VPS53: variants seen among roughly 807,000 people sequenced by gnomAD.
The protein encoded by VPS53 is vacuolar protein sorting-associated protein 53 homolog.
Under a neutral mutation model 107.0 loss-of-function variants are expected in VPS53, and 70 were observed. That is an observed-to-expected ratio of 0.65 (90% confidence interval 0.54 to 0.80). The LOEUF is 0.80. Among genes scored for constraint, VPS53 ranks in the 30% least tolerant of loss-of-function variants. The pLI is 0.00. For missense variants in VPS53, 917 were observed against 1,049.4 expected (o/e 0.87, Z 1.74); for synonymous variants, 409 against 393.3 (o/e 1.04, Z -0.47).
chr17:537,194 T>G lies in VPS53; in HGVS notation c.1867-18A>C, dbSNP rs1425995525. ...CACTGCATCTGAAAGGGAGAAAGGA[T>G]GAGGCGTTGAATCCCTCGCAGGAGA... is the stretch of plus-strand genomic sequence containing the variant. On this transcript the variant is annotated intron_variant, in intron 17 of 21. Transcript: ENST00000437048. The G allele has an allele frequency of 2.5e-6, 4 of 1,613,532 alleles. No homozygotes were observed. In the East Asian group the frequency reaches 8.9e-5, roughly 36 times the overall value.
intron 11 of VPS53, among the ~76,000 whole-genome samples, chr17:620,083 A>G (rs892240280): frequency 1.3e-5 from 2 of 152,212 alleles, no homozygotes; most frequent in Admixed American, 6.5e-5. Flanking sequence ...TCAATATTGA[A>G]CATTAGTTAG....
chr17:696,539 G>A (rs1597498904), intron 4 of VPS53, among the ~76,000 whole-genome samples: 1 of 152,082 alleles, frequency 6.6e-6, no homozygotes, highest in Non-Finnish European at 1.5e-5. Flanking sequence ...AAGAGAGGAC[G>A]GCTAGAAAGG....
At chr17:639,232 G>A (rs539643380) in intron 7 of VPS53, among the ~76,000 whole-genome samples, 2 of 152,112 alleles carry the variant, frequency 1.3e-5, no homozygotes, top group East Asian at 1.9e-4. Flanking sequence ...TTGTGCGCTC[G>A]TCAGGTAGTT....
chr17:532,377 T>A (rs537691137), intron 19 of VPS53: 1 of 154,710 alleles, frequency 6.5e-6, no homozygotes, highest in Non-Finnish European at 1.4e-5. Context: ...CGGGTTCAAG[T>A]GATTCTCCTG....
At chr17:673,757 A>G (rs2143726200) in intron 4 of VPS53, 1 of 152,382 alleles carries the variant, frequency 6.6e-6, no homozygotes, top group African/African-American at 2.4e-5. Flanking sequence ...ACCAAAAACC[A>G]AAGGACTGTA....
Position 711,735 on chromosome 17 carries a change from A to G in VPS53, c.88-1122T>C, listed in dbSNP as rs142595452. On this transcript the variant is annotated intron_variant, in intron 1 of 21. Transcript: ENST00000437048. ...CTCCTAACAAAAGCCAGCTGAAAAA[A>G]GAATGACTGGTTCCAATGATGGAGG... is the stretch of plus-strand genomic sequence containing the variant. 1.1e-4 allele frequency among the ~76,000 whole-genome samples: 17 copies of G among 152,324 alleles called. No homozygotes were observed. The East Asian group carries it at 3.1e-3, about 28-fold the overall frequency.
rs59345629 is a variant in VPS53, at chr17:529,869, C to CAAA, written c.2085+2970_2085+2972dup. On this transcript the variant is annotated intron_variant, in intron 19 of 21. Coordinates refer to ENST00000437048, the MANE Select transcript of VPS53 (RefSeq NM_001128159.3). The stretch of plus-strand genomic sequence containing the variant: ...ACAGGGAGGCAGACCCTATATCTAC[C>CAAA]AAAAAAAAAAAAAAAGAGCCAGCCA... Among the ~76,000 whole-genome samples, 425 of 122,280 alleles carry CAAA rather than the reference C, an allele frequency of 3.5e-3. 3 individuals carry two copies. The highest frequency in any genetic ancestry group is 0.011 in the African/African-American group (408 of 35,864). 80.2% of individuals were successfully genotyped at this position (122,280 alleles called of 152,430 possible).
chr17:692,456 C>A (rs1387011178), intron 4 of VPS53, among the ~76,000 whole-genome samples: 1 of 152,110 alleles, frequency 6.6e-6, no homozygotes, highest in Admixed American at 6.5e-5. Context: ...TTCAAGCTGG[C>A]CCACATAGAA....
chr17:511,526 T>G lies in VPS53; in HGVS notation c.*7602A>C, dbSNP rs1421260927. On this transcript the variant is annotated 3_prime_UTR_variant, in exon 22 of 22. Coordinates refer to ENST00000437048, the MANE Select transcript of VPS53 (RefSeq NM_001128159.3). Reference sequence around the variant, plus strand: ...GCTATTTTTATTTTAACATCTCATATTGCCCCAGGTTCTCTGAGTCAACAC... The same window carrying G: ...GCTATTTTTATTTTAACATCTCATAGTGCCCCAGGTTCTCTGAGTCAACAC... 2 of 152,162 alleles carry G rather than the reference T, an allele frequency of 1.3e-5. No individual in the cohort carries two copies. Among genetic ancestry groups the G allele is most frequent in the African/African-American group, 4.8e-5 (2 of 41,436 alleles). 9.4% of individuals were successfully genotyped at this position (152,162 alleles called of 1,614,324 possible).
At chr17:688,244 G>A (rs768560371) in intron 4 of VPS53, among the ~76,000 whole-genome samples, 3 of 152,076 alleles carry the variant, frequency 2.0e-5, no homozygotes, top group African/African-American at 2.4e-5. Context: ...TTCTATTCAC[G>A]TGATAGTAAG....
At chr17:704,725 G>C (rs1295651902) in intron 2 of VPS53, among the ~76,000 whole-genome samples, 1 of 152,130 alleles carries the variant, frequency 6.6e-6, no homozygotes, top group East Asian at 1.9e-4. Context: ...ACACAGAACT[G>C]AATCTGTGGA....
chr17:633,914 G>A (rs1057082810), intron 7 of VPS53, among the ~76,000 whole-genome samples: 5 of 152,206 alleles, frequency 3.3e-5, no homozygotes, highest in African/African-American at 1.2e-4. Flanking sequence ...AGCTTCCAGA[G>A]GCTCAGGCCC....
At chr17:656,110 C>T (rs1340503119) in intron 5 of VPS53, among the ~76,000 whole-genome samples, 157 bp from the exon 6 acceptor site, 1 of 152,196 alleles carries the variant, frequency 6.6e-6, no homozygotes, top group African/African-American at 2.4e-5. Flanking sequence ...TAATTTCCAA[C>T]CAGGCATTTA....
chr17:638,386 C>A (rs1490633493), intron 7 of VPS53, among the ~76,000 whole-genome samples: 1 of 152,156 alleles, frequency 6.6e-6, no homozygotes, highest in Non-Finnish European at 1.5e-5. Flanking sequence ...CAGTCTGTGT[C>A]TTTTAATTGG....
chr17:607,593 A>T (rs935685348), intron 11 of VPS53, among the ~76,000 whole-genome samples: 14 of 152,224 alleles, frequency 9.2e-5, no homozygotes, highest in African/African-American at 2.9e-4. Context: ...CAGGCCACAG[A>T]GAATTACAAC....
intron 13 of VPS53, among the ~76,000 whole-genome samples, chr17:566,530 G>A (rs1215317665): frequency 6.6e-6 from 1 of 152,150 alleles, no homozygotes; most frequent in African/African-American, 2.4e-5. Context: ...ATACTTACCT[G>A]ATCAACCTCC....
In VPS53 at chr17:562,689, G is replaced by A; in HGVS notation, c.1370C>T (p.Pro457Leu). 2.5e-6 allele frequency: 4 copies of A among 1,613,734 alleles called. No individual in the cohort carries two copies. The South Asian group carries it at 3.3e-5, about 13-fold the overall frequency. The change falls in exon 14 of 22, where the codon CCT becomes CTT. Residue 457 changes from proline to leucine, a missense_variant. By Grantham distance (98) the Pro-to-Leu change is moderately conservative. Coordinates refer to ENST00000437048, the MANE Select transcript of VPS53 (RefSeq NM_001128159.3). The part of the protein sequence containing the change: ...FVADFKAQGP[P>L]KPNTDEGGAV... The stretch of plus-strand genomic sequence containing the variant: ...ACCCCCTTCATCAGTGTTGGGCTTA[G>A]GTGGCCCCTGGGCTTTGAAATCAGC...
chr17:603,799 T>C (rs1213778582), intron 11 of VPS53, among the ~76,000 whole-genome samples: 1 of 152,234 alleles, frequency 6.6e-6, no homozygotes, highest in Non-Finnish European at 1.5e-5. Context: ...GCTTGAGTTG[T>C]CTTCTTAAGG....
chr17:656,980 C>T (rs750342914), intron 5 of VPS53: 20 of 921,984 alleles, frequency 2.2e-5, no homozygotes, highest in Admixed American at 8.7e-5. Flanking sequence ...CAGAAGATCC[C>T]GGGTACCTCT....
Sources: allele counts gnomAD v4.1 joint callset (sites outside exome capture counted in the v4.1 genomes callset), GRCh38; gene constraint gnomAD v4.1.1; transcripts MANE v1.5; gene names NCBI Gene and HGNC (gene_info 2026-07-23, HGNC 2026-07-21).